The following CPD variants were observed in gnomAD, a reference collection of about 807,000 sequenced individuals.
The protein encoded by CPD is carboxypeptidase D, also known as metallocarboxypeptidase D.
CPD carries 69 observed loss-of-function variants against 138.3 expected under a neutral mutation model. The observed-to-expected ratio is 0.50, with a 90% CI of 0.41 to 0.61. The LOEUF (loss-of-function observed/expected upper bound fraction) is 0.61, where lower values mean the gene tolerates loss of function less well. Ranked by LOEUF, CPD falls within the 20% of genes least tolerant of loss-of-function variation. The pLI, the probability that CPD is intolerant of heterozygous loss-of-function variation, is 0.00. For synonymous variants in CPD, 651 were observed against 642.1 expected, an observed-to-expected ratio of 1.01 and a Z score of -0.21; for missense variants, 1,432 against 1,733.3, an observed-to-expected ratio of 0.83 and a Z score of 3.09.
At chr17:30,417,615 G>GATC (rs1912145930) in intron 2 of CPD, among the ~76,000 whole-genome samples, 1 of 152,026 alleles carries the variant, frequency 6.6e-6, no homozygotes, top group African/African-American at 2.4e-5. Context: ...CTATCTATCA[G>GATC]ATCCTGTCAG....
At chr17:30,447,052 T>G (rs1480362879) in intron 12 of CPD, among the ~76,000 whole-genome samples, 1 of 152,238 alleles carries the variant, frequency 6.6e-6, no homozygotes, top group Non-Finnish European at 1.5e-5. Context: ...TTTGTTTAAG[T>G]TCTTTGTAGA....
At position 30,467,165 on chromosome 17, in the gene CPD, G is replaced by A. The variant is rs188114382; in HGVS notation, c.*2351G>A. On this transcript the variant is annotated 3_prime_UTR_variant, in exon 21 of 21. Transcript: ENST00000225719. Reference sequence around the variant, plus strand: ...GAATGCATTTCTTCAGTGTTTCTCCGAGAGACTTTCCATTTCCTTGGAGTT... The same window carrying A: ...GAATGCATTTCTTCAGTGTTTCTCCAAGAGACTTTCCATTTCCTTGGAGTT... The A allele has an allele frequency of 1.3e-5, 2 of 152,666 alleles. No individual in the cohort carries two copies. The highest frequency in any genetic ancestry group is 1.9e-4 in the East Asian group (1 of 5,186). The allele number at this position is 152,666 out of a possible 1,614,324, so 9.5% of individuals were successfully genotyped here.
intron 9 of CPD, among the ~76,000 whole-genome samples, chr17:30,439,368 C>CTTTTT (rs71138888): frequency 0.88 from 123,285 of 140,468 alleles, 54,296 homozygotes; most frequent in African/African-American, 0.95. Context: ...TATTTGAATT[C>CTTTTT]TTTTTTTTCT....
At chr17:30,464,433 A>G (rs1913576468) in intron 20 of CPD, among the ~76,000 whole-genome samples, 155 bp from the exon 21 acceptor site, 1 of 152,156 alleles carries the variant, frequency 6.6e-6, no homozygotes, top group South Asian at 2.1e-4. Flanking sequence ...TATATTGTAC[A>G]TATACTGCTT....
In CPD at chr17:30,379,155, T is replaced by C. The variant is rs1479720214; in HGVS notation, c.175T>C (p.Tyr59His). The stretch of plus-strand genomic sequence containing the variant: ...GGCCGAGGGCCAGTTCGACCGCTAC[T>C]ACCACGAAGAGGAGTTGGAGTCGGC... ...EAAEGQFDRYYHEEELESALR... is the reference protein window; with the variant it reads ...EAAEGQFDRYHHEEELESALR... The change falls in exon 1 of 21, where the codon TAC (tyrosine) becomes CAC (histidine). Residue 59 changes from tyrosine to histidine, a missense_variant. Transcript: ENST00000225719. The surrounding 1 kb of genome is among the most constrained non-coding windows in gnomAD (Gnocchi z 7.0). 2 of 1,535,962 alleles carry C rather than the reference T, an allele frequency of 1.3e-6. No homozygotes were observed. Among genetic ancestry groups the C allele is most frequent in the Non-Finnish European group, 1.7e-6 (2 of 1,144,622 alleles).
chr17:30,456,402 TG>T, intron 16 of CPD, 51 bp downstream of exon 16: 1 of 1,610,760 alleles, frequency 6.2e-7, no homozygotes, highest in Non-Finnish European at 8.5e-7. Context: ...GTTGCTTTTG[TG>T]GGGAAAGGAG....
intron 2 of CPD, among the ~76,000 whole-genome samples, chr17:30,399,477 A>C (rs899378218): frequency 6.6e-6 from 1 of 152,168 alleles, no homozygotes; most frequent in Admixed American, 6.5e-5. Flanking sequence ...TTTGTTTTAT[A>C]TATTTCAAAA....
rs183026071 is a variant in CPD, at chr17:30,451,568, A to T, written c.3070-143A>T. The T allele has an allele frequency of 8.2e-6, 6 of 735,438 alleles. No homozygotes were observed. In the African/African-American group the frequency reaches 9.2e-5, roughly 11 times the overall value. The allele number at this position is 735,438 out of a possible 1,614,324, so 45.6% of individuals were successfully genotyped here. A position where few individuals can be genotyped will look rare whatever the true frequency, so the allele number is the denominator to read the frequency against. On this transcript the variant is annotated intron_variant, in intron 13 of 20. Transcript: ENST00000225719. ...TATATTTGAAGCAAAAGGAAATTTA[A>T]TTTTTTATTTTTTCATTCATCTTAG...
rs2143519979 is a variant in CPD, at chr17:30,464,872, G to C, written c.*58G>C. On this transcript the variant is annotated 3_prime_UTR_variant, in exon 21 of 21. Transcript: ENST00000225719. ...ACCAAGCAAAATTACAGTTCCTCTT[G>C]GGAGAACACTGCATTAAGAAGAGAG... 7.6e-7 allele frequency: 1 copy of C among 1,317,346 alleles called. No individual in the cohort carries two copies. The highest frequency in any genetic ancestry group is 1.4e-5 in the African/African-American group (1 of 69,086). The allele number at this position is 1,317,346 out of a possible 1,614,324, so 81.6% of individuals were successfully genotyped here.
Position 30,461,872 on chromosome 17 carries a change from T to C in CPD, c.3631-5T>C. On this transcript the variant is annotated splice_polypyrimidine_tract_variant and splice_region_variant and intron_variant, in intron 18 of 20. Coordinates refer to ENST00000225719, the MANE Select transcript of CPD (RefSeq NM_001304.5). The stretch of plus-strand genomic sequence containing the variant: ...CATAAATTTATATTTTAAACATTTT[T>C]TCAGGTTCACAAGGGAGTTCATGGA... 1 of 1,583,488 alleles carries C rather than the reference T, an allele frequency of 6.3e-7. No individual in the cohort carries two copies. The highest frequency in any genetic ancestry group is 8.6e-7 in the Non-Finnish European group (1 of 1,165,838).
intron 17 of CPD, among the ~76,000 whole-genome samples, chr17:30,457,242 C>G: frequency 6.6e-6 from 1 of 152,146 alleles, no homozygotes; most frequent in Non-Finnish European, 1.5e-5. Flanking sequence ...TACCCTTTCA[C>G]TTAGCAAAAT....
Position 30,384,603 on chromosome 17 carries a change from A to G in CPD, c.747-386A>G, listed in dbSNP as rs532106603. Among the ~76,000 whole-genome samples, 3 of 152,318 alleles carry G rather than the reference A, an allele frequency of 2.0e-5. No individual in the cohort carries two copies. The South Asian group carries it at 6.2e-4, about 32-fold the overall frequency. On this transcript the variant is annotated intron_variant, in intron 1 of 20. Transcript: ENST00000225719. The stretch of plus-strand genomic sequence containing the variant: ...CGAGACCCCATCACTACCAAAAAGA[A>G]AAGGGTGAATATTGGCAAGCTCAAA...
At chr17:30,439,189 C>A in intron 9 of CPD, 112 bp downstream of exon 9, 1 of 626,964 alleles carries the variant, frequency 1.6e-6, no homozygotes, top group Admixed American at 3.2e-5. Context: ...ATTTTTAAAA[C>A]ATGGTTTAAA....
At chr17:30,431,937 A>AT in intron 8 of CPD, 56 bp downstream of exon 8, 4 of 1,249,730 alleles carry the variant, frequency 3.2e-6, no homozygotes, top group Non-Finnish European at 4.6e-6. Flanking sequence ...ATTTAAAAAT[A>AT]TGCTTTAAAG....
intron 8 of CPD, among the ~76,000 whole-genome samples, chr17:30,435,653 T>C (rs1441332077): frequency 6.6e-6 from 1 of 152,144 alleles, no homozygotes; most frequent in African/African-American, 2.4e-5. Flanking sequence ...TTGGACATAA[T>C]CCAGATTTAA....
chr17:30,464,079 G>C (rs1012721480), intron 20 of CPD, among the ~76,000 whole-genome samples: 28 of 152,000 alleles, frequency 1.8e-4, no homozygotes, highest in Non-Finnish European at 3.7e-4. Context: ...AAAAATACAT[G>C]TACGTGCATA....
chr17:30,423,837 G>A (rs148211517), intron 6 of CPD, 140 bp downstream of exon 6: 3 of 611,004 alleles, frequency 4.9e-6, no homozygotes, highest in African/African-American at 1.9e-5. Flanking sequence ...TTTAGCTCTT[G>A]TATTCTTATA....
intron 2 of CPD, among the ~76,000 whole-genome samples, chr17:30,386,903 C>G (rs183330087): frequency 6.6e-6 from 1 of 152,080 alleles, no homozygotes; most frequent in Non-Finnish European, 1.5e-5. Context: ...AGGAATAATG[C>G]GTAATGAACG....
At position 30,445,757 on chromosome 17, in the gene CPD, T is replaced by A. The variant is rs1218216144; in HGVS notation, c.2610T>A (p.Leu870=). 2.5e-6 allele frequency: 4 copies of A among 1,613,836 alleles called. No homozygotes were observed. The highest frequency in any genetic ancestry group is 3.4e-6 in the Non-Finnish European group (4 of 1,179,930). Residue 870 remains leucine, a synonymous_variant, in exon 12 of 21, where the codon CTT becomes CTA. Coordinates refer to ENST00000225719, the MANE Select transcript of CPD (RefSeq NM_001304.5). ...GCGCTATTCAGGTCAACTTCACACT[T>A]GTTCGATCCTCAACAGATTCAAACA... is the stretch of plus-strand genomic sequence containing the variant. ...SEGAIQVNFT[L]VRSSTDSNNE...
Sources: allele counts gnomAD v4.1 joint callset (sites outside exome capture counted in the v4.1 genomes callset), GRCh38; gene constraint gnomAD v4.1.1; non-coding constraint Gnocchi (gnomAD v3.1); transcripts MANE v1.5; gene names NCBI Gene and HGNC (gene_info 2026-07-23, HGNC 2026-07-21).